The following AMOTL2 variants were observed in gnomAD, a reference collection of about 807,000 sequenced individuals.
AMOTL2 encodes angiomotin-like protein 2.
In AMOTL2, 33 loss-of-function variants were observed where a neutral mutation model predicts 78.4. The observed-to-expected ratio is 0.42, with a 90% CI of 0.32 to 0.56. The LOEUF (loss-of-function observed/expected upper bound fraction) is 0.56. AMOTL2 is among the 20% of genes least tolerant of loss of function. The probability of loss-of-function intolerance (pLI) is 0.12; values close to 1 mark genes in which losing one functional copy is unlikely to be tolerated. For synonymous variants in AMOTL2, 422 were observed against 428.8 expected (o/e 0.98, Z 0.20); for missense variants, 983 against 1,030.1 (o/e 0.95, Z 0.63).
intron 3 of AMOTL2, among the ~76,000 whole-genome samples, chr3:134,367,260 G>A (rs1436038184): frequency 6.6e-6 from 1 of 152,292 alleles, no homozygotes; most frequent in East Asian, 1.9e-4. Flanking sequence ...ATCACCACTG[G>A]CCAGCAACTG....
chr3:134,373,419 G>C, intron 1 of AMOTL2: 1 of 973,648 alleles, frequency 1.0e-6, no homozygotes, highest in African/African-American at 1.8e-5. Flanking sequence ...CTCTCATCGC[G>C]AATTTGTCCC....
At chr3:134,373,395 A>T in intron 1 of AMOTL2, 3 of 894,180 alleles carry the variant, frequency 3.4e-6, no homozygotes, top group Non-Finnish European at 4.0e-6. Context: ...GGGAGCAAGG[A>T]ACATCTCCAA....
At chr3:134,368,930 C>T (rs968160211) in intron 2 of AMOTL2, among the ~76,000 whole-genome samples, 2 of 152,180 alleles carry the variant, frequency 1.3e-5, no homozygotes, top group African/African-American at 4.8e-5. Context: ...AGTGTCACAA[C>T]TGCCTCAGTT....
chr3:134,371,114 T>C lies in AMOTL2; in HGVS notation c.320A>G (p.Tyr107Cys), dbSNP rs1232020257. The change falls in exon 2 of 10, where the codon TAT becomes TGT. Residue 107 changes from tyrosine to cysteine, a missense_variant. By Grantham distance (194) the Tyr-to-Cys change is radical. Coordinates refer to ENST00000249883, the MANE Select transcript of AMOTL2 (RefSeq NM_016201.4). ...CTGCGAGTGGGCTTTGGCCTCCTCATAGGTGGGCAGCTCCTCTCCCTTGCT... is the reference window on the plus strand; with the variant it reads ...CTGCGAGTGGGCTTTGGCCTCCTCACAGGTGGGCAGCTCCTCTCCCTTGCT... ...QPSKGEELPT[Y>C]EEAKAHSQYY... 1 of 1,613,244 alleles carries C rather than the reference T, an allele frequency of 6.2e-7. No individual in the cohort carries two copies. Among genetic ancestry groups the C allele is most frequent in the East Asian group, 2.2e-5 (1 of 44,840 alleles).
rs1242690351 is a variant in AMOTL2, at chr3:134,370,885, G to A, written c.549C>T (p.Ser183=). 1.9e-6 allele frequency: 3 copies of A among 1,611,526 alleles called. No individual in the cohort carries two copies. Among genetic ancestry groups the A allele is most frequent in the Non-Finnish European group, 2.5e-6 (3 of 1,178,772 alleles). The change falls in exon 2 of 10, where the codon AGC becomes AGT. Residue 183 remains serine, a synonymous_variant. Transcript: ENST00000249883. ...RAPSHMSSSH[S]FPQLARNQQG... ...GCTGGTTGCGGGCCAGCTGTGGGAA[G>A]CTGTGGGAGGAGCTCATGTGGCTGG...
rs1288543831 is a variant in AMOTL2, at chr3:134,366,376, C to A, written c.1093G>T (p.Ala365Ser). The change falls in exon 4 of 10, where the codon GCC becomes TCC. Residue 365 changes from alanine to serine, a missense_variant. Ala to Ser is a moderately conservative substitution (Grantham distance 99). Coordinates refer to ENST00000249883, the MANE Select transcript of AMOTL2 (RefSeq NM_016201.4). ...LSEAHESLTR[A>S]SSKREALEKT... is the part of the protein sequence containing the mutation. ...TCCAGGGCCTCACGCTTGGAGGAGG[C>A]TCTGGTCAGGCTCTCATGGGCCTCA... 17 of 1,614,096 alleles carry A rather than the reference C, an allele frequency of 1.1e-5. No individual in the cohort carries two copies. The highest frequency in any genetic ancestry group is 1.4e-5 in the Non-Finnish European group (17 of 1,180,024).
chr3:134,368,831 C>T (rs115816996), intron 2 of AMOTL2, among the ~76,000 whole-genome samples: 18 of 152,278 alleles, frequency 1.2e-4, no homozygotes, highest in Admixed American at 2.0e-4. Flanking sequence ...ACTGGTGTAA[C>T]ATCACCCCCA....
At chr3:134,361,461 G>T in intron 6 of AMOTL2, 51 bp downstream of exon 6, 1 of 1,516,926 alleles carries the variant, frequency 6.6e-7, no homozygotes, top group Non-Finnish European at 8.9e-7. Flanking sequence ...AGGAGGAAGG[G>T]AAGCCAACAT....
intron 5 of AMOTL2, among the ~76,000 whole-genome samples, chr3:134,363,362 CCATT>C (rs1406409437): frequency 1.3e-5 from 2 of 152,186 alleles, no homozygotes; most frequent in Non-Finnish European, 2.9e-5. Context: ...GGCTTAACAT[CCATT>C]GAGTGGGGTG....
At chr3:134,373,946 A>G in intron 1 of AMOTL2, 2 of 589,822 alleles carry the variant, frequency 3.4e-6, no homozygotes, top group Non-Finnish European at 4.3e-6. Context: ...AGGCACCTGT[A>G]ACCCCCACCT....
chr3:134,366,058 G>C (rs1013815798), intron 4 of AMOTL2, 149 bp from the exon 5 acceptor site: 35 of 1,051,668 alleles, frequency 3.3e-5, no homozygotes, highest in South Asian at 1.3e-4. Context: ...CCCCATGGGT[G>C]GGAGCCTCCT....
chr3:134,371,841 T>A (rs1333904039), intron 1 of AMOTL2: 2 of 235,846 alleles, frequency 8.5e-6, no homozygotes, highest in South Asian at 1.8e-4. Context: ...AGACTTACTA[T>A]TCCTGGAGAG....
At chr3:134,372,319 G>A (rs1479966458) in intron 1 of AMOTL2, among the ~76,000 whole-genome samples, 1 of 152,160 alleles carries the variant, frequency 6.6e-6, no homozygotes, top group Non-Finnish European at 1.5e-5. Context: ...ATTCTGCAAG[G>A]TGAACAGGAA....
rs1378788860 is a variant in AMOTL2 at position 134,356,370 on chromosome 3, C to T, written c.*1335G>A. 1 of 152,526 alleles carries T rather than the reference C, an allele frequency of 6.6e-6. No homozygotes were observed. Among genetic ancestry groups the T allele is most frequent in the Non-Finnish European group, 1.5e-5 (1 of 68,044 alleles). The allele number at this position is 152,526 out of a possible 1,614,324, so 9.4% of individuals were successfully genotyped here. A position where few individuals can be genotyped will look rare whatever the true frequency, so the allele number is the denominator to read the frequency against. On this transcript the variant is annotated 3_prime_UTR_variant, in exon 10 of 10. Transcript: ENST00000249883. ...AACGGTAAAGACAAAACTGCTAAAA[C>T]CCACCAATAGCTCCTGGGGCTGAAG... is the stretch of plus-strand genomic sequence containing the variant.
intron 2 of AMOTL2, among the ~76,000 whole-genome samples, chr3:134,368,386 C>T (rs1038392144): frequency 6.6e-6 from 1 of 152,130 alleles, no homozygotes; most frequent in African/African-American, 2.4e-5. Flanking sequence ...CCCCACCCCC[C>T]ACTCACCCAG....
intron 2 of AMOTL2, 74 bp from the exon 3 acceptor site, chr3:134,367,877 C>T (rs756922611): frequency 3.1e-5 from 42 of 1,375,680 alleles, no homozygotes; most frequent in Non-Finnish European, 4.2e-5. Context: ...CCCGGGGTCA[C>T]CCCACTCCTA....
intron 7 of AMOTL2, among the ~76,000 whole-genome samples, chr3:134,359,789 C>G (rs1325826638): frequency 6.6e-6 from 1 of 152,216 alleles, no homozygotes; most frequent in African/African-American, 2.4e-5. Flanking sequence ...GTTCCAGATT[C>G]ATCAGATGAT....
At chr3:134,357,985 T>G (rs952747795) in intron 9 of AMOTL2, among the ~76,000 whole-genome samples, 1 of 152,176 alleles carries the variant, frequency 6.6e-6, no homozygotes, top group Non-Finnish European at 1.5e-5. Context: ...GTTTCTAACT[T>G]TGAACTGGTT....
chr3:134,360,451 A>G (rs755463014), intron 6 of AMOTL2, 38 bp from the exon 7 acceptor site: 53 of 1,570,898 alleles, frequency 3.4e-5, no homozygotes, highest in African/African-American at 5.4e-5. Context: ...TCAAGGGTGC[A>G]GGTTGGGGTG....
Sources: gnomAD v4.1 joint callset for allele counts (sites outside exome capture counted in the v4.1 genomes callset) on GRCh38, gnomAD v4.1.1 for gene constraint, MANE v1.5 for transcripts, NCBI Gene and HGNC (gene_info 2026-07-23, HGNC 2026-07-21) for gene names.